Variants in LEO1 observed in about 807,000 individuals in gnomAD.
The protein encoded by LEO1 is RNA polymerase-associated protein LEO1.
LEO1 carries 34 observed loss-of-function variants against 80.4 expected under a neutral mutation model. The observed-to-expected ratio is 0.42, with a 90% CI of 0.32 to 0.56. The LOEUF is 0.56. LEO1 is among the 20% of genes least tolerant of loss of function. LEO1 has a pLI of 0.10. For missense variants in LEO1, 631 were observed against 814.2 expected, an observed-to-expected ratio of 0.77 and a Z score of 2.74; for synonymous variants, 262 against 274.9, an observed-to-expected ratio of 0.95 and a Z score of 0.46.
chr15:51,952,129 G>A, intron 8 of LEO1, 150 bp from the exon 9 acceptor site: 3 of 534,344 alleles, frequency 5.6e-6, no homozygotes. Context: ...TACCAAGGTG[G>A]AAGATTGTGA....
At chr15:51,947,870 T>C (rs983203186) in intron 10 of LEO1, among the ~76,000 whole-genome samples, 1 of 152,206 alleles carries the variant, frequency 6.6e-6, no homozygotes, top group Non-Finnish European at 1.5e-5. Context: ...ATTTTAGATA[T>C]GCGGAAATGA....
At position 51,960,040 on chromosome 15, in the gene LEO1, T is replaced by G; in HGVS notation, c.1019A>C (p.Glu340Ala). The change falls in exon 5 of 12, where the codon GAA becomes GCA. Residue 340 changes from glutamate to alanine, a missense_variant. Physicochemically the swap from Glu to Ala is moderately radical, Grantham distance 107. Transcript: ENST00000299601. ...KPPTPGQPVDENGLPQDQQEE... is the reference protein window; with the variant it reads ...KPPTPGQPVDANGLPQDQQEE... ...CTGTTGATCCTGAGGCAATCCATTTTCATCCTAGTGAAAGAATCGGAAGTT... is the reference window on the plus strand; with the variant it reads ...CTGTTGATCCTGAGGCAATCCATTTGCATCCTAGTGAAAGAATCGGAAGTT... The G allele has an allele frequency of 6.2e-7, 1 of 1,610,552 alleles. No individual in the cohort carries two copies.
In LEO1 at chr15:51,949,886, G is replaced by T. The variant is rs1299828787; in HGVS notation, c.1720C>A (p.Arg574=). The T allele has an allele frequency of 1.9e-6, 3 of 1,613,928 alleles. No individual in the cohort carries two copies. The highest frequency in any genetic ancestry group is 2.5e-6 in the Non-Finnish European group (3 of 1,180,000). The part of the protein sequence containing the change: ...GLSASYLEPD[R]YDEEEEGEES... ...TCGCCTTCCTCCTCCTCATCGTATC[G>T]ATCAGGTTCCAGGTAACTGGCGCTC... The change falls in exon 10 of 12, where the codon CGA becomes AGA. Residue 574 remains arginine, a synonymous_variant. Coordinates refer to ENST00000299601, the MANE Select transcript of LEO1 (RefSeq NM_138792.4).
Position 51,947,302 on chromosome 15 carries a change from GTAAGTT to G in LEO1, c.1880_1885del (p.Lys627_Leu628del). ...TAAATTTGGTCTTACCTCATCACTG[GTAAGTT>G]TCTTTGCTTTGAGTAATCTTTGAGC... On this transcript the variant is annotated inframe_deletion, in exon 11 of 12. Transcript: ENST00000299601. 6.2e-7 allele frequency: 1 copy of G among 1,610,478 alleles called. No homozygotes were observed.
intron 10 of LEO1, 78 bp downstream of exon 10, chr15:51,949,730 G>C: frequency 8.2e-7 from 1 of 1,215,640 alleles, no homozygotes; most frequent in Non-Finnish European, 1.2e-6. Flanking sequence ...CAGTGACTTG[G>C]CAGCCGGATT....
chr15:51,968,905 C>T (rs1005562066), intron 1 of LEO1, among the ~76,000 whole-genome samples: 6 of 151,918 alleles, frequency 3.9e-5, no homozygotes, highest in Non-Finnish European at 8.8e-5. Flanking sequence ...TGATAAGTGT[C>T]TTTATCCAAA....
intron 2 of LEO1, among the ~76,000 whole-genome samples, chr15:51,964,218 A>G (rs2057056449): frequency 6.6e-6 from 1 of 151,998 alleles, no homozygotes; most frequent in Non-Finnish European, 1.5e-5. Context: ...AAAAAAAAAA[A>G]GGATGAGTTC....
Position 51,960,050 on chromosome 15 carries a change from G to A in LEO1, c.1015-6C>T. 1 of 1,607,774 alleles carries A rather than the reference G, an allele frequency of 6.2e-7. No individual in the cohort carries two copies. Among genetic ancestry groups the A allele is most frequent in the Non-Finnish European group, 8.5e-7 (1 of 1,178,164 alleles). On this transcript the variant is annotated splice_polypyrimidine_tract_variant and splice_region_variant and intron_variant, in intron 4 of 11. Coordinates refer to ENST00000299601, the MANE Select transcript of LEO1 (RefSeq NM_138792.4). ...TGAGGCAATCCATTTTCATCCTAGT[G>A]AAAGAATCGGAAGTTTGGAGCTTGA...
At chr15:51,951,763 G>C in intron 9 of LEO1, 81 bp downstream of exon 9, 2 of 1,264,282 alleles carry the variant, frequency 1.6e-6, no homozygotes, top group Non-Finnish European at 2.3e-6. Context: ...GCCAATAAGA[G>C]ATGACGAACA....
intron 9 of LEO1, among the ~76,000 whole-genome samples, chr15:51,950,482 C>T (rs1357032959): frequency 2.0e-5 from 3 of 152,174 alleles, no homozygotes; most frequent in Non-Finnish European, 4.4e-5. Flanking sequence ...GAGCTCCTCA[C>T]GGCTCCTGAT....
intron 11 of LEO1, among the ~76,000 whole-genome samples, chr15:51,938,744 A>G (rs1595925561): frequency 6.6e-6 from 1 of 152,248 alleles, no homozygotes; most frequent in Non-Finnish European, 1.5e-5. Context: ...TCTATAAACA[A>G]GTTTCCTCTG....
intron 1 of LEO1, among the ~76,000 whole-genome samples, chr15:51,968,568 C>A (rs879278639): frequency 6.6e-6 from 1 of 151,214 alleles, no homozygotes; most frequent in Admixed American, 6.6e-5. Flanking sequence ...CAGTGGCTCA[C>A]GCCTGTAATC....
intron 1 of LEO1, among the ~76,000 whole-genome samples, chr15:51,970,486 G>A (rs2057114294): frequency 6.6e-6 from 1 of 152,148 alleles, no homozygotes; most frequent in Non-Finnish European, 1.5e-5. Flanking sequence ...AACAAATTTA[G>A]GGTGTGCACA....
chr15:51,949,524 AC>A (rs1566881737), intron 10 of LEO1, among the ~76,000 whole-genome samples: 2 of 151,874 alleles, frequency 1.3e-5, no homozygotes, highest in African/African-American at 2.4e-5. Context: ...ACATGGTGAA[AC>A]CCCGTCTCTA....
At position 51,953,074 on chromosome 15, in the gene LEO1, CTA is replaced by C. The variant is rs894373649; in HGVS notation, c.1475+53_1475+54del. 84 of 1,449,412 alleles carry C rather than the reference CTA, an allele frequency of 5.8e-5. No individual in the cohort carries two copies. The Middle Eastern group carries it at 1.0e-3, about 18-fold the overall frequency. 89.8% of individuals were successfully genotyped at this position (1,449,412 alleles called of 1,614,324 possible). On this transcript the variant is annotated intron_variant, in intron 8 of 11. Transcript: ENST00000299601. ...CAGGTGGCAGGCATTACAGAAACATCTATGTTTCACTGCTTTTACCATAAGAA... is the reference window on the plus strand; with the variant it reads ...CAGGTGGCAGGCATTACAGAAACATCTGTTTCACTGCTTTTACCATAAGAA...
At chr15:51,947,908 A>C (rs1393944690) in intron 10 of LEO1, among the ~76,000 whole-genome samples, 1 of 152,194 alleles carries the variant, frequency 6.6e-6, no homozygotes, top group Non-Finnish European at 1.5e-5. Flanking sequence ...AAAATACAAA[A>C]ACCTGACCAC....
chr15:51,949,782 A>C (rs1308964975), intron 10 of LEO1, 26 bp downstream of exon 10: 3 of 1,593,064 alleles, frequency 1.9e-6, no homozygotes, highest in Non-Finnish European at 2.6e-6. Flanking sequence ...CGAAATGATG[A>C]AATGTAATTT....
Position 51,938,264 on chromosome 15 carries a change from AAC to A in LEO1, c.1897-6_1897-5del, listed in dbSNP as rs764655563. The A allele has an allele frequency of 1.3e-6, 2 of 1,527,312 alleles. No individual in the cohort carries two copies. 94.6% of individuals were successfully genotyped at this position (1,527,312 alleles called of 1,614,324 possible). On this transcript the variant is annotated splice_polypyrimidine_tract_variant and splice_region_variant and intron_variant, in intron 11 of 11. Transcript: ENST00000299601. ...TCTTTCCGGAAGGTTCACCTTCCTA[AAC>A]AGATACAATTTTTACAAATCTACAA...
intron 2 of LEO1, 37 bp from the exon 3 acceptor site, chr15:51,962,530 C>T (rs947105974): frequency 1.3e-5 from 19 of 1,425,976 alleles, no homozygotes; most frequent in African/African-American, 5.6e-5. Context: ...CATAATCAGT[C>T]GCATTAGTTG....
Sources: allele counts gnomAD v4.1 joint callset (sites outside exome capture counted in the v4.1 genomes callset), GRCh38; gene constraint gnomAD v4.1.1; transcripts MANE v1.5; gene names NCBI Gene and HGNC (gene_info 2026-07-23, HGNC 2026-07-21).